The following NXNL2 variants were observed in gnomAD, a reference collection of about 807,000 sequenced individuals.
The protein encoded by NXNL2 is nucleoredoxin-like protein 2.
In NXNL2, 7 loss-of-function variants were observed where a neutral mutation model predicts 11.1. That is an observed-to-expected ratio of 0.63 (90% CI 0.36 to 1.18). The LOEUF is 1.18. NXNL2 is among the 50% of genes most tolerant of loss of function. The pLI is 0.02. For missense variants in NXNL2, 233 were observed against 217.7 expected, an observed-to-expected ratio of 1.07 and a Z score of -0.44; for synonymous variants, 109 against 101.8, an observed-to-expected ratio of 1.07 and a Z score of -0.42.
chr9:88,577,509 T>G (rs1049326511), downstream of NXNL2, among the ~76,000 whole-genome samples: 1 of 152,132 alleles, frequency 6.6e-6, no homozygotes, highest in Non-Finnish European at 1.5e-5. Flanking sequence ...CTCACTGTTC[T>G]GAAGGCTGAA....
intron 1 of NXNL2, chr9:88,583,906 G>A (rs1830434700): frequency 6.6e-6 from 1 of 152,210 alleles, no homozygotes; most frequent in Admixed American, 6.5e-5. Context: ...CAAATCAGCT[G>A]ACACCTTGAT....
chr9:88,563,451 G>C (rs1214378467), intron 1 of NXNL2, among the ~76,000 whole-genome samples: 1 of 152,202 alleles, frequency 6.6e-6, no homozygotes, highest in East Asian at 1.9e-4. Flanking sequence ...CGGTGCTTTA[G>C]GAGGCATCTA....
At chr9:88,542,254 CAAAA>C (rs1460565065) in intron 1 of NXNL2, among the ~76,000 whole-genome samples, 3 of 151,466 alleles carry the variant, frequency 2.0e-5, no homozygotes, top group Non-Finnish European at 4.4e-5. Context: ...AAACAAAAAA[CAAAA>C]AACAAACGAA....
chr9:88,563,621 A>T (rs1244986411), intron 1 of NXNL2, among the ~76,000 whole-genome samples: 2 of 152,122 alleles, frequency 1.3e-5, no homozygotes, highest in African/African-American at 2.4e-5. Flanking sequence ...AAATTGGATC[A>T]TGTGGTGTTG....
At chr9:88,548,921 C>T (rs1829889409), downstream of NXNL2, among the ~76,000 whole-genome samples, 1 of 151,940 alleles carries the variant, frequency 6.6e-6, no homozygotes, top group Admixed American at 6.6e-5. Flanking sequence ...GACCCTTACC[C>T]CTTCTAATAT....
At chr9:88,537,774 T>A (rs1829660407) in intron 1 of NXNL2, among the ~76,000 whole-genome samples, 1 of 152,178 alleles carries the variant, frequency 6.6e-6, no homozygotes, top group Non-Finnish European at 1.5e-5. Context: ...GTTCAGTGCC[T>A]GGCATCCCCA....
At chr9:88,558,814 A>T (rs1478489353) in intron 1 of NXNL2, among the ~76,000 whole-genome samples, 2 of 152,112 alleles carry the variant, frequency 1.3e-5, no homozygotes, top group South Asian at 2.1e-4. Context: ...TGGTAGTGAG[A>T]ATAGGAGAAA....
At chr9:88,555,679 C>T (rs749679804) in intron 1 of NXNL2, among the ~76,000 whole-genome samples, 11 of 152,274 alleles carry the variant, frequency 7.2e-5, no homozygotes, top group Non-Finnish European at 1.0e-4. Flanking sequence ...CTTTCGGTGC[C>T]GCTTTGCCAG....
intron 1 of NXNL2, among the ~76,000 whole-genome samples, chr9:88,557,614 G>A (rs1294134921): frequency 6.6e-6 from 1 of 152,190 alleles, no homozygotes; most frequent in Non-Finnish European, 1.5e-5. Context: ...CAGGAGGCAG[G>A]AATAGTCTAA....
At chr9:88,581,397 A>T (rs769698683) in intron 1 of NXNL2, among the ~76,000 whole-genome samples, 5 of 152,016 alleles carry the variant, frequency 3.3e-5, no homozygotes, top group Non-Finnish European at 5.9e-5. Context: ...GGAGTTTGGC[A>T]ATAGTGAGCA....
chr9:88,560,472 G>A (rs1830072691), intron 1 of NXNL2, among the ~76,000 whole-genome samples: 2 of 152,042 alleles, frequency 1.3e-5, no homozygotes, highest in Non-Finnish European at 2.9e-5. Context: ...TCCACATGGT[G>A]GATGCAGCAT....
chr9:88,562,786 C>A (rs1462852325), intron 1 of NXNL2, among the ~76,000 whole-genome samples: 2 of 150,008 alleles, frequency 1.3e-5, no homozygotes, highest in African/African-American at 4.9e-5. Context: ...CATTAAGAGA[C>A]ATACAAATAG....
chr9:88,564,330 A>C (rs899423834), intron 1 of NXNL2, among the ~76,000 whole-genome samples: 1 of 142,806 alleles, frequency 7.0e-6, no homozygotes, highest in Admixed American at 7.2e-5. Flanking sequence ...TCTATCGTCT[A>C]TTTATAGCTA....
At chr9:88,544,337 A>T in intron 1 of NXNL2, 42 bp from the exon 2 acceptor site, 1 of 1,519,290 alleles carries the variant, frequency 6.6e-7, no homozygotes, top group Non-Finnish European at 8.9e-7. Context: ...TCAGATGTGC[A>T]TGTGGGAGTG....
chr9:88,546,414 CTTT>C (rs956682156), downstream of NXNL2, among the ~76,000 whole-genome samples: 17 of 110,142 alleles, frequency 1.5e-4, no homozygotes, highest in East Asian at 7.3e-4. Context: ...AAGACACATT[CTTT>C]TTTTTTTTTT....
At chr9:88,567,062 T>C (rs1587853938) in intron 1 of NXNL2, among the ~76,000 whole-genome samples, 1 of 151,862 alleles carries the variant, frequency 6.6e-6, no homozygotes, top group African/African-American at 2.4e-5. Flanking sequence ...CTGTGACTTC[T>C]TTGAGAGCAG....
exon 2 of NXNL2, chr9:88,584,217 G>A (rs2118565235): frequency 6.6e-6 from 1 of 152,306 alleles, no homozygotes; most frequent in Non-Finnish European, 1.5e-5. Flanking sequence ...AAGGGCTGTC[G>A]AGGTGATTTG....
At chr9:88,566,877 A>G (rs146455174) in intron 1 of NXNL2, among the ~76,000 whole-genome samples, 4 of 152,116 alleles carry the variant, frequency 2.6e-5, no homozygotes, top group African/African-American at 9.6e-5. Context: ...TATATTATCT[A>G]TCTTTCTATC....
In NXNL2 at chr9:88,570,732, A is replaced by G. The variant is rs145503244; in HGVS notation, c.303-355A>G. ...TCTCAGATTTAACAGGAAGAGCCCA[A>G]TACTGGTTTTTGTTTTGTTTTGTTT... On this transcript the variant is annotated intron_variant, in intron 1 of 2. Transcript: ENST00000375855. Among the ~76,000 whole-genome samples, 726 of 152,244 alleles carry G rather than the reference A, an allele frequency of 4.8e-3. 5 individuals carry two copies. The highest frequency in any genetic ancestry group is 0.016 in the African/African-American group (676 of 41,560).
Sources: allele counts gnomAD v4.1 joint callset (sites outside exome capture counted in the v4.1 genomes callset), GRCh38; gene constraint gnomAD v4.1.1; transcripts MANE v1.5; gene names NCBI Gene and HGNC (gene_info 2026-07-23, HGNC 2026-07-21).